IGSF21: variants seen among roughly 807,000 people sequenced by gnomAD.
IGSF21 encodes the protein immunoglobin superfamily member 21.
Under a neutral mutation model 46.8 loss-of-function variants are expected in IGSF21, and 28 were observed. The observed-to-expected ratio is 0.60, with a 90% CI of 0.44 to 0.82. The LOEUF (loss-of-function observed/expected upper bound fraction) is 0.82, where lower values mean the gene tolerates loss of function less well. Among genes scored for constraint, IGSF21 ranks in the 40% least tolerant of loss-of-function variants. The pLI is 0.00. For synonymous variants in IGSF21, 284 were observed against 273.6 expected, an observed-to-expected ratio of 1.04 and a Z score of -0.38; for missense variants, 624 against 665.5, an observed-to-expected ratio of 0.94 and a Z score of 0.69.
intron 2 of IGSF21, among the ~76,000 whole-genome samples, chr1:18,251,555 G>T (rs1290359482): frequency 6.6e-6 from 1 of 152,164 alleles, no homozygotes; most frequent in Non-Finnish European, 1.5e-5. Flanking sequence ...GAGTCATGTG[G>T]ATTGCTCTTA....
chr1:18,336,354 G>A (rs894401005), intron 4 of IGSF21, among the ~76,000 whole-genome samples: 8 of 152,220 alleles, frequency 5.3e-5, no homozygotes, highest in Admixed American at 3.3e-4. Context: ...ATTGGGCTGA[G>A]TGCTTTACAT....
chr1:18,309,133 A>G (rs2085455859), intron 3 of IGSF21, among the ~76,000 whole-genome samples: 1 of 151,926 alleles, frequency 6.6e-6, no homozygotes, highest in African/African-American at 2.4e-5. Context: ...AGGAGGAGGT[A>G]GCTGTAGGGA....
At chr1:18,349,954 A>G (rs897789119) in intron 4 of IGSF21, among the ~76,000 whole-genome samples, 12 of 152,182 alleles carry the variant, frequency 7.9e-5, no homozygotes, top group Non-Finnish European at 1.5e-4. Flanking sequence ...GAGGTGCAGC[A>G]GGGATAAGTG....
At chr1:18,353,477 C>T (rs1022752636) in intron 4 of IGSF21, among the ~76,000 whole-genome samples, 11 of 152,150 alleles carry the variant, frequency 7.2e-5, no homozygotes, top group Non-Finnish European at 1.6e-4. Context: ...CTTCCCTGAC[C>T]TCGTGTTGCT....
intron 1 of IGSF21, among the ~76,000 whole-genome samples, chr1:18,200,351 G>A (rs1159913332): frequency 1.3e-5 from 2 of 152,200 alleles, no homozygotes; most frequent in African/African-American, 2.4e-5. Flanking sequence ...TGCTGTAACA[G>A]TGACTTAAAA....
intron 1 of IGSF21, among the ~76,000 whole-genome samples, chr1:18,174,643 C>A (rs1453285359): frequency 6.6e-6 from 1 of 152,306 alleles, no homozygotes; most frequent in East Asian, 1.9e-4. Context: ...CTTTGCCTGG[C>A]AGGGCAGTTT....
At chr1:18,192,089 A>G (rs2086963150) in intron 1 of IGSF21, among the ~76,000 whole-genome samples, 1 of 152,204 alleles carries the variant, frequency 6.6e-6, no homozygotes, top group African/African-American at 2.4e-5. Flanking sequence ...CTTCCCCAGC[A>G]CTGGCTTTGG....
rs372283575 is a variant in IGSF21, at chr1:18,237,958, T to A, written c.183+9948T>A. Among the ~76,000 whole-genome samples the A allele has an allele frequency of 7.9e-5, 12 of 152,218 alleles. No homozygotes were observed. The East Asian group carries it at 1.2e-3, about 15-fold the overall frequency. ...TATGAATGATCCTTGGGCCAGGGAT[T>A]CTATGTGGGGGCCTCAGGGTCCCTA... On this transcript the variant is annotated intron_variant, in intron 2 of 9. Coordinates refer to ENST00000251296, the MANE Select transcript of IGSF21 (RefSeq NM_032880.5).
At chr1:18,140,667 A>C (rs2086407718) in intron 1 of IGSF21, among the ~76,000 whole-genome samples, 1 of 152,110 alleles carries the variant, frequency 6.6e-6, no homozygotes, top group Non-Finnish European at 1.5e-5. Flanking sequence ...CACCTGGCTC[A>C]TGCCAAGACA....
intron 4 of IGSF21, among the ~76,000 whole-genome samples, chr1:18,358,851 A>T (rs1397562905): frequency 6.6e-6 from 1 of 152,152 alleles, no homozygotes; most frequent in African/African-American, 2.4e-5. Flanking sequence ...CTGATCTAGA[A>T]CCCACCTCCT....
At chr1:18,212,190 C>G (rs1338717336) in intron 1 of IGSF21, among the ~76,000 whole-genome samples, 1 of 152,246 alleles carries the variant, frequency 6.6e-6, no homozygotes, top group East Asian at 1.9e-4. Context: ...TGGGCCATCT[C>G]TCTGCATCTC....
chr1:18,372,955 G>A (rs1409892535), intron 6 of IGSF21, among the ~76,000 whole-genome samples: 1 of 152,128 alleles, frequency 6.6e-6, no homozygotes, highest in Non-Finnish European at 1.5e-5. Flanking sequence ...GAAACTTAGA[G>A]GAGCTTTTCC....
intron 2 of IGSF21, among the ~76,000 whole-genome samples, chr1:18,254,346 C>T (rs940235350): frequency 1.4e-5 from 2 of 143,938 alleles, no homozygotes; most frequent in South Asian, 2.5e-4. Flanking sequence ...CTGAATACAG[C>T]GAATGGCTCA....
intron 2 of IGSF21, among the ~76,000 whole-genome samples, chr1:18,240,593 G>T (rs1352379403): frequency 1.3e-5 from 2 of 152,218 alleles, no homozygotes; most frequent in African/African-American, 4.8e-5. Flanking sequence ...ATAGCTTAGA[G>T]GATGGATGGT....
intron 2 of IGSF21, among the ~76,000 whole-genome samples, chr1:18,261,163 C>A (rs1379173341): frequency 6.6e-6 from 1 of 152,254 alleles, no homozygotes; most frequent in Non-Finnish European, 1.5e-5. Context: ...TCTCTGGCTG[C>A]ACCTGCTTCA....
chr1:18,154,037 G>A (rs1185451693), intron 1 of IGSF21, among the ~76,000 whole-genome samples: 1 of 152,152 alleles, frequency 6.6e-6, no homozygotes, highest in Non-Finnish European at 1.5e-5. Context: ...CTGCATCCGT[G>A]GGATCCACAG....
At chr1:18,114,458 A>C (rs1051025002) in intron 1 of IGSF21, 1 of 152,140 alleles carries the variant, frequency 6.6e-6, no homozygotes, top group African/African-American at 2.4e-5. Context: ...GTGGCTTTCT[A>C]TTTCTATGGA....
At chr1:18,119,014 T>C (rs2124405420) in intron 1 of IGSF21, among the ~76,000 whole-genome samples, 1 of 152,000 alleles carries the variant, frequency 6.6e-6, no homozygotes, top group East Asian at 2.0e-4. Context: ...CCTTACTTAG[T>C]TTTCATTTAA....
chr1:18,376,821 A>G lies in IGSF21; in HGVS notation c.1123A>G (p.Met375Val). 3 of 1,598,928 alleles carry G rather than the reference A, an allele frequency of 1.9e-6. No homozygotes were observed. Among genetic ancestry groups the G allele is most frequent in the Non-Finnish European group, 2.6e-6 (3 of 1,168,552 alleles). The part of the protein sequence containing the change: ...GFQNEVFPEP[M>V]FTWTRVGSRL... ...ACAGAACGAAGTCTTCCCGGAGCCC[A>G]TGTTCACGTGGACGCGGGTTGGGAG... The change falls in exon 8 of 10, where the codon ATG becomes GTG. Residue 375 changes from methionine to valine, a missense_variant. Met to Val is a conservative substitution (Grantham distance 21). Coordinates refer to ENST00000251296, the MANE Select transcript of IGSF21 (RefSeq NM_032880.5).
Sources: gnomAD v4.1 joint callset for allele counts (sites outside exome capture counted in the v4.1 genomes callset) on GRCh38, gnomAD v4.1.1 for gene constraint, MANE v1.5 for transcripts, NCBI Gene and HGNC (gene_info 2026-07-23, HGNC 2026-07-21) for gene names.